A4GALT: variants seen among roughly 807,000 people sequenced by gnomAD.
The protein encoded by A4GALT is alpha 1,4-galactosyltransferase (P1PK blood group).
For synonymous variants in A4GALT, 257 were observed against 220.7 expected (o/e 1.16, Z -1.46); for missense variants, 512 against 486.0 (o/e 1.05, Z -0.50).
chr22:42,698,206 C>A (rs1484889317), intron 1 of A4GALT, among the ~76,000 whole-genome samples: 1 of 148,566 alleles, frequency 6.7e-6, no homozygotes, highest in African/African-American at 2.5e-5. Flanking sequence ...TGAGATCGTG[C>A]CACTGCACTC....
Position 42,692,431 on chromosome 22 carries a change from T to C in A4GALT, c.*459A>G. 1 of 300,766 alleles carries C rather than the reference T, an allele frequency of 3.3e-6. No individual in the cohort carries two copies. Among genetic ancestry groups the C allele is most frequent in the Non-Finnish European group, 6.5e-6 (1 of 153,784 alleles). 18.6% of individuals were successfully genotyped at this position (300,766 alleles called of 1,614,324 possible). On this transcript the variant is annotated 3_prime_UTR_variant, in exon 3 of 3. Transcript: ENST00000642412. This position sits in a 1 kb window ranked among gnomAD's most constrained non-coding sequence, Gnocchi z 4.6. ...ACCAAAACCAGAAAAGAACAAAGCA[T>C]CCTCCGCCCCGGACCCTTGGGGCTG...
chr22:42,709,158 T>A (rs1479346188), intron 1 of A4GALT, among the ~76,000 whole-genome samples: 2 of 150,756 alleles, frequency 1.3e-5, no homozygotes, highest in African/African-American at 4.9e-5. Context: ...CAGGCTCAAG[T>A]ACATGATCCT....
intron 1 of A4GALT, among the ~76,000 whole-genome samples, chr22:42,716,452 G>A (rs553208819): frequency 5.3e-5 from 8 of 152,304 alleles, no homozygotes; most frequent in East Asian, 1.9e-4. Flanking sequence ...ATGTGCAGCC[G>A]TTGGTCAAAG....
At chr22:42,704,102 C>T (rs1415792517) in intron 1 of A4GALT, among the ~76,000 whole-genome samples, 1 of 152,164 alleles carries the variant, frequency 6.6e-6, no homozygotes, top group Non-Finnish European at 1.5e-5. Flanking sequence ...TCCCTAGCCC[C>T]ACAATCTTTC....
At chr22:42,709,064 TA>T (rs202085849) in intron 1 of A4GALT, among the ~76,000 whole-genome samples, 1,297 of 109,052 alleles carry the variant, frequency 0.012, 17 homozygotes, top group African/African-American at 0.031. Flanking sequence ...TATATATATA[TA>T]TATTTTTTTT....
At chr22:42,701,416 T>C (rs1305979951) in intron 1 of A4GALT, among the ~76,000 whole-genome samples, 1 of 152,056 alleles carries the variant, frequency 6.6e-6, no homozygotes, top group African/African-American at 2.4e-5. Flanking sequence ...AAAGGAAACT[T>C]CTCCCACTAC....
rs145649275 is a variant in A4GALT at position 42,693,458 on chromosome 22, C to T, written c.494G>A (p.Arg165His). The T allele has an allele frequency of 2.0e-4, 317 of 1,613,130 alleles. 1 individual carries two copies. The African/African-American group carries it at 3.7e-3, about 19-fold the overall frequency. The change falls in exon 3 of 3, where the codon CGC becomes CAC. Residue 165 changes from arginine to histidine, a missense_variant. Coordinates refer to ENST00000642412, the MANE Select transcript of A4GALT (RefSeq NM_017436.7). ...CACGGGCAGCAGGTAGGGCTCCCAG[C>T]GCCCCTGCACGGCCGCGTACCAGTC... ...LADWYAAVQG[R>H]WEPYLLPVLS...
chr22:42,699,905 G>C (rs1244189313), intron 1 of A4GALT, among the ~76,000 whole-genome samples: 1 of 152,202 alleles, frequency 6.6e-6, no homozygotes, highest in African/African-American at 2.4e-5. Context: ...ACCCTGAGTA[G>C]AAGGAAAGGC....
Position 42,693,811 on chromosome 22 carries a change from C to T in A4GALT, c.141G>A (p.Lys47=). 6.2e-7 allele frequency: 1 copy of T among 1,605,152 alleles called. No homozygotes were observed. Among genetic ancestry groups the T allele is most frequent in the South Asian group, 1.1e-5 (1 of 89,872 alleles). The part of the protein sequence containing the change: ...MIYWHVVGEP[K]EKGQLYNLPA... Reference sequence around the variant, plus strand: ...GCAGGTTATAGAGCTGCCCTTTCTCCTTGGGCTCTCCCACAACGTGCCAGT... The same window carrying T: ...GCAGGTTATAGAGCTGCCCTTTCTCTTTGGGCTCTCCCACAACGTGCCAGT... Residue 47 remains lysine, a synonymous_variant, in exon 3 of 3, where the codon AAG becomes AAA. Transcript: ENST00000642412.
intron 1 of A4GALT, among the ~76,000 whole-genome samples, chr22:42,710,751 G>A (rs917293784): frequency 1.1e-4 from 16 of 152,072 alleles, no homozygotes; most frequent in African/African-American, 3.9e-4. Context: ...ATGCAGCCTT[G>A]TGGCTGACGC....
chr22:42,709,067 A>ATATATATATATATATATATTTTTTT (rs1180529043), intron 1 of A4GALT, among the ~76,000 whole-genome samples: 10 of 128,802 alleles, frequency 7.8e-5, no homozygotes, highest in African/African-American at 1.4e-4. Context: ...ATATATATAT[A>ATATATATATATATATATATTTTTTT]TTTTTTTTAA....
At chr22:42,719,018 T>A (rs1213737907) in intron 1 of A4GALT, among the ~76,000 whole-genome samples, 3 of 151,966 alleles carry the variant, frequency 2.0e-5, no homozygotes, top group Non-Finnish European at 4.4e-5. Context: ...GGCTTGGGAG[T>A]TGCTAGCTGG....
chr22:42,709,067 A>ATATATATATATATATATATATTTTTTT (rs1180529043), intron 1 of A4GALT, among the ~76,000 whole-genome samples: 4 of 128,798 alleles, frequency 3.1e-5, no homozygotes, highest in African/African-American at 1.1e-4. Flanking sequence ...ATATATATAT[A>ATATATATATATATATATATATTTTTTT]TTTTTTTTAA....
intron 1 of A4GALT, among the ~76,000 whole-genome samples, chr22:42,699,446 G>T (rs1012790450): frequency 2.6e-5 from 4 of 152,116 alleles, no homozygotes; most frequent in African/African-American, 7.2e-5. Context: ...GAATTTTCTT[G>T]CCCCCTGGTG....
chr22:42,693,703 C>T lies in A4GALT; in HGVS notation c.249G>A (p.Glu83=), dbSNP rs553086562. The T allele has an allele frequency of 1.3e-5, 21 of 1,608,268 alleles. No homozygotes were observed. The East Asian group carries it at 4.5e-4, about 34-fold the overall frequency. The change falls in exon 3 of 3, where the codon GAG becomes GAA. Residue 83 remains glutamate, a synonymous_variant. Transcript: ENST00000642412. ...GPTPGNIFFL[E]TSDRTNPNFL... ...AGTTGGGGTTGGTCCGGTCTGAAGT[C>T]TCCAGGAAGAAGATGTTGCCTGGAG...
At chr22:42,704,719 G>A (rs1470244010) in intron 1 of A4GALT, among the ~76,000 whole-genome samples, 1 of 152,070 alleles carries the variant, frequency 6.6e-6, no homozygotes, top group Non-Finnish European at 1.5e-5. Flanking sequence ...TAAGGCAGCA[G>A]CTTAGTTCTG....
intron 1 of A4GALT, among the ~76,000 whole-genome samples, chr22:42,710,894 G>C (rs529986946): frequency 6.6e-6 from 1 of 151,556 alleles, no homozygotes; most frequent in Non-Finnish European, 1.5e-5. Context: ...GTGTGGTGGT[G>C]CACACCTGTA....
chr22:42,710,571 C>T (rs1189878536), intron 1 of A4GALT, among the ~76,000 whole-genome samples: 1 of 151,994 alleles, frequency 6.6e-6, no homozygotes, highest in Non-Finnish European at 1.5e-5. Flanking sequence ...GTGGTATGCA[C>T]CTGTGGTCCC....
At chr22:42,698,645 G>A (rs878996757) in intron 1 of A4GALT, among the ~76,000 whole-genome samples, 1 of 152,204 alleles carries the variant, frequency 6.6e-6, no homozygotes, top group Non-Finnish European at 1.5e-5. Flanking sequence ...CAGAGGCCCC[G>A]AGAGGCAAAG....
Sources: allele counts gnomAD v4.1 joint callset (sites outside exome capture counted in the v4.1 genomes callset), GRCh38; gene constraint gnomAD v4.1.1; non-coding constraint Gnocchi (gnomAD v3.1); transcripts MANE v1.5; gene names NCBI Gene and HGNC (gene_info 2026-07-23, HGNC 2026-07-21).